The following CACNA1E variants were observed in gnomAD, a reference collection of about 807,000 sequenced individuals.
CACNA1E encodes voltage-dependent R-type calcium channel subunit alpha-1E.
A neutral mutation model predicts 259.2 loss-of-function variants in CACNA1E; 40 were observed. The ratio of observed to expected loss-of-function variants is 0.15; its 90% CI spans 0.12 to 0.20. The LOEUF (loss-of-function observed/expected upper bound fraction) is 0.20, where lower values mean the gene tolerates loss of function less well. Among genes scored for constraint, CACNA1E ranks in the 10% least tolerant of loss-of-function variants. CACNA1E has a pLI of 1.00. For synonymous variants in CACNA1E, 1,104 were observed against 1,138.5 expected (o/e 0.97, Z 0.61); for missense variants, 1,874 against 3,040.1 (o/e 0.62, Z 9.02).
chr1:181,732,902 G>A lies in CACNA1E; in HGVS notation c.2816G>A (p.Ser939Asn), dbSNP rs1482138540. ...EGKESSSASR[S>N]RSASQERSLD... ...AAGGAGTCCTCTTCAGCCTCCCGGA[G>A]CAGGTCTGCCAGCCAGGAACGCAGT... The change falls in exon 20 of 48, where the codon AGC becomes AAC. Residue 939 changes from serine (S) to asparagine (N), a missense_variant. By Grantham distance (46) the Ser-to-Asn change is conservative (BLOSUM62 1). Transcript: ENST00000367573. This position sits in a 1 kb window ranked among gnomAD's most constrained non-coding sequence, Gnocchi z 5.5. 6 of 1,614,004 alleles carry A rather than the reference G, an allele frequency of 3.7e-6. No homozygotes were observed. The highest frequency in any genetic ancestry group is 4.2e-6 in the Non-Finnish European group (5 of 1,179,888).
At chr1:181,582,929 A>G (rs1012450119) in intron 6 of CACNA1E, among the ~76,000 whole-genome samples, 2 of 152,138 alleles carry the variant, frequency 1.3e-5, no homozygotes, top group African/African-American at 2.4e-5. Context: ...CTTTTATTGC[A>G]TGGGTGTCCA....
chr1:181,446,286 T>C (rs937677716), intron 2 of CACNA1E, among the ~76,000 whole-genome samples: 4 of 152,222 alleles, frequency 2.6e-5, no homozygotes, highest in African/African-American at 9.7e-5. Context: ...GATTTTGCCT[T>C]GGTCTGTAAT....
intron 6 of CACNA1E, among the ~76,000 whole-genome samples, chr1:181,627,654 G>C (rs763014541): frequency 2.6e-5 from 4 of 152,204 alleles, no homozygotes; most frequent in Non-Finnish European, 4.4e-5. Flanking sequence ...TTCAGGGTAA[G>C]GGAATGCTGT....
chr1:181,395,581 C>T (rs1656612784), intron 1 of CACNA1E, among the ~76,000 whole-genome samples: 1 of 152,154 alleles, frequency 6.6e-6, no homozygotes, highest in Non-Finnish European at 1.5e-5. Context: ...CTTTAAAAAC[C>T]ATTACATTTC....
At chr1:181,668,512 G>A (rs956672944) in intron 7 of CACNA1E, among the ~76,000 whole-genome samples, 1 of 152,150 alleles carries the variant, frequency 6.6e-6, no homozygotes, top group African/African-American at 2.4e-5. Context: ...AAATGCTCAA[G>A]AGTGCAGTCG....
chr1:181,332,764 G>A (rs78597699), intron 1 of CACNA1E, among the ~76,000 whole-genome samples: 1 of 152,130 alleles, frequency 6.6e-6, no homozygotes, highest in East Asian at 1.9e-4. Flanking sequence ...AACCTTTGTA[G>A]TCATAGAACC....
At chr1:181,734,835 C>T (rs1446891532) in intron 21 of CACNA1E, among the ~76,000 whole-genome samples, 15 of 148,918 alleles carry the variant, frequency 1.0e-4, no homozygotes, top group Admixed American at 7.4e-4. Context: ...TGCCCTGACC[C>T]CACACCCCAT....
chr1:181,750,393 T>A, intron 25 of CACNA1E, 83 bp from the exon 26 acceptor site: 2 of 1,207,432 alleles, frequency 1.7e-6, no homozygotes, highest in Non-Finnish European at 2.4e-6. Context: ...GTTCTGACTG[T>A]CTTTCTTCTC....
chr1:181,624,552 A>C (rs1336387057), intron 6 of CACNA1E, among the ~76,000 whole-genome samples: 3 of 152,190 alleles, frequency 2.0e-5, no homozygotes, highest in Non-Finnish European at 4.4e-5. Context: ...CAAAAAGTAA[A>C]AAGCAACTCC....
At chr1:181,392,057 T>C (rs1656339255) in intron 1 of CACNA1E, among the ~76,000 whole-genome samples, 1 of 151,968 alleles carries the variant, frequency 6.6e-6, no homozygotes, top group African/African-American at 2.4e-5. Flanking sequence ...CTGTTGAGCC[T>C]GGGAGGATAA....
chr1:181,369,150 T>C (rs1474354100), intron 1 of CACNA1E, among the ~76,000 whole-genome samples: 1 of 152,236 alleles, frequency 6.6e-6, no homozygotes, highest in Non-Finnish European at 1.5e-5. Context: ...GGACTGCAAG[T>C]ACACCAGTGA....
At chr1:181,704,295 T>G (rs1180463309) in intron 7 of CACNA1E, among the ~76,000 whole-genome samples, 1 of 152,148 alleles carries the variant, frequency 6.6e-6, no homozygotes, top group African/African-American at 2.4e-5. Flanking sequence ...GTAAGAACAC[T>G]GAAAATATAG....
chr1:181,689,026 G>A (rs993491970), intron 7 of CACNA1E, among the ~76,000 whole-genome samples: 1 of 152,192 alleles, frequency 6.6e-6, no homozygotes, highest in African/African-American at 2.4e-5. Flanking sequence ...TGTGCAGAAT[G>A]TGTAGGTTTG....
At chr1:181,478,148 T>A in intron 2 of CACNA1E, among the ~76,000 whole-genome samples, 1 of 152,354 alleles carries the variant, frequency 6.6e-6, no homozygotes, top group South Asian at 2.1e-4. Context: ...TAACAGGATG[T>A]GCCTCACAGT....
chr1:181,678,170 T>C (rs1649565539), intron 7 of CACNA1E, among the ~76,000 whole-genome samples: 1 of 152,184 alleles, frequency 6.6e-6, no homozygotes, highest in Non-Finnish European at 1.5e-5. Context: ...AGGGCTCTAG[T>C]GGTGCCCCTC....
At chr1:181,760,997 T>G (rs1426936396) in intron 32 of CACNA1E, among the ~76,000 whole-genome samples, 1 of 152,218 alleles carries the variant, frequency 6.6e-6, no homozygotes, top group Admixed American at 6.5e-5. Flanking sequence ...AGGAGAGCCC[T>G]GAGAATTGAG....
intron 2 of CACNA1E, among the ~76,000 whole-genome samples, chr1:181,431,617 T>G (rs1571860165): frequency 6.6e-6 from 1 of 152,164 alleles, no homozygotes; most frequent in African/African-American, 2.4e-5. Flanking sequence ...TTCCCTCTGC[T>G]CCAAGCCACA....
chr1:181,431,453 T>C (rs1345881789), intron 2 of CACNA1E, among the ~76,000 whole-genome samples: 1 of 152,222 alleles, frequency 6.6e-6, no homozygotes, highest in African/African-American at 2.4e-5. Context: ...TGCCAGAGAT[T>C]GGCTGGGTGG....
chr1:181,482,610 C>T (rs889774448), upstream of CACNA1E, among the ~76,000 whole-genome samples: 1 of 151,832 alleles, frequency 6.6e-6, no homozygotes, highest in African/African-American at 2.4e-5. Flanking sequence ...TCTTGCGCGC[C>T]TCGCTGCGCC....
Sources: gnomAD v4.1 joint callset for allele counts (sites outside exome capture counted in the v4.1 genomes callset) on GRCh38, gnomAD v4.1.1 for gene constraint, Gnocchi (gnomAD v3.1) non-coding constraint, MANE v1.5 for transcripts, NCBI Gene and HGNC (gene_info 2026-07-23, HGNC 2026-07-21) for gene names.